PPP2R2B: variants seen among roughly 807,000 people sequenced by gnomAD.
PPP2R2B encodes the protein protein phosphatase 2 regulatory subunit Bbeta.
In PPP2R2B, 5 loss-of-function variants were observed where a neutral mutation model predicts 46.0. That is an observed-to-expected ratio of 0.11 (90% CI 0.06 to 0.23). The LOEUF is 0.23. Among genes scored for constraint, PPP2R2B ranks in the 10% least tolerant of loss-of-function variants. PPP2R2B has a pLI of 1.00. For synonymous variants in PPP2R2B, 215 were observed against 206.7 expected (o/e 1.04, Z -0.34); for missense variants, 367 against 575.0 (o/e 0.64, Z 3.70).
chr5:146,707,557 A>G (rs1173463316), intron 2 of PPP2R2B: 4 of 716,326 alleles, frequency 5.6e-6, no homozygotes, highest in Middle Eastern at 2.7e-4. Context: ...CCCGGGTGCC[A>G]GAGGTGGACA....
At chr5:146,645,169 A>G (rs1775495973) in intron 6 of PPP2R2B, among the ~76,000 whole-genome samples, 1 of 152,224 alleles carries the variant, frequency 6.6e-6, no homozygotes. Context: ...TTGTTTGATG[A>G]GTGTGATTTC....
At chr5:146,635,961 G>T (rs1774793163) in intron 7 of PPP2R2B, among the ~76,000 whole-genome samples, 1 of 152,130 alleles carries the variant, frequency 6.6e-6, no homozygotes, top group African/African-American at 2.4e-5. Context: ...TATCACTAAT[G>T]TCACTTATAA....
chr5:146,697,993 A>C lies in PPP2R2B; in HGVS notation c.320T>G (p.Leu107Arg). The change falls in exon 4 of 10, where the codon CTT (leucine) becomes CGT (arginine). Residue 107 changes from leucine (L) to arginine (R), a missense_variant. By Grantham distance (102) the Leu-to-Arg change is moderately radical (BLOSUM62 -2). This residue lies in a region of PPP2R2B where 361 missense variants were observed against 545.5 expected (regional missense o/e 0.66). Transcript: ENST00000394411. Reference sequence around the variant, plus strand: ...ATTCCACCTACCATTAGTAGACAGAAGAAAGTAAGCTGCATTCTGCTGGGG... The same window carrying C: ...ATTCCACCTACCATTAGTAGACAGACGAAAGTAAGCTGCATTCTGCTGGGG... ...WLPQQNAAYF[L>R]LSTNDKTVKL... The C allele has an allele frequency of 6.2e-7, 1 of 1,611,864 alleles. No individual in the cohort carries two copies. The highest frequency in any genetic ancestry group is 8.5e-7 in the Non-Finnish European group (1 of 1,179,188).
chr5:146,840,585 C>G (rs543372397), intron 2 of PPP2R2B, among the ~76,000 whole-genome samples: 1 of 152,112 alleles, frequency 6.6e-6, no homozygotes, highest in Non-Finnish European at 1.5e-5. Flanking sequence ...CCTAAAATAC[C>G]CAAAGGGGTT....
chr5:147,070,427 C>T (rs1350220422), intron 2 of PPP2R2B, among the ~76,000 whole-genome samples: 1 of 152,122 alleles, frequency 6.6e-6, no homozygotes, highest in African/African-American at 2.4e-5. Flanking sequence ...CAGGAACCAC[C>T]CCACAATGTC....
chr5:146,676,635 T>C (rs1393354350), intron 5 of PPP2R2B, among the ~76,000 whole-genome samples: 1 of 152,166 alleles, frequency 6.6e-6, no homozygotes, highest in Admixed American at 6.5e-5. Context: ...CCATTCACCT[T>C]TCCTCTAGAG....
chr5:146,927,688 G>A (rs1029317746), intron 1 of PPP2R2B, among the ~76,000 whole-genome samples: 3 of 151,288 alleles, frequency 2.0e-5, no homozygotes, highest in African/African-American at 4.9e-5. Context: ...AGAACTCCAG[G>A]CAGCCATTAT....
intron 2 of PPP2R2B, among the ~76,000 whole-genome samples, chr5:146,793,484 T>A (rs1756339116): frequency 6.6e-6 from 1 of 152,214 alleles, no homozygotes; most frequent in Non-Finnish European, 1.5e-5. Context: ...ACTAATTCAT[T>A]TAAGTCACTT....
At chr5:146,872,472 C>T (rs1042294455) in intron 2 of PPP2R2B, among the ~76,000 whole-genome samples, 1 of 152,172 alleles carries the variant, frequency 6.6e-6, no homozygotes, top group African/African-American at 2.4e-5. Flanking sequence ...TATGACACTA[C>T]CCCCTTTTAT....
At chr5:146,821,398 C>G (rs986763708) in intron 2 of PPP2R2B, among the ~76,000 whole-genome samples, 6 of 152,182 alleles carry the variant, frequency 3.9e-5, no homozygotes, top group African/African-American at 1.4e-4. Flanking sequence ...AGATCAAGCT[C>G]AAAGCATGAG....
At chr5:147,031,421 A>C (rs1407533036) in intron 1 of PPP2R2B, among the ~76,000 whole-genome samples, 1 of 149,652 alleles carries the variant, frequency 6.7e-6, no homozygotes, top group Non-Finnish European at 1.5e-5. Context: ...GTTTCTCTCT[A>C]TTTTTAAGAT....
At chr5:147,015,427 C>A (rs1213792531) in intron 1 of PPP2R2B, among the ~76,000 whole-genome samples, 1 of 151,602 alleles carries the variant, frequency 6.6e-6, no homozygotes, top group South Asian at 2.1e-4. Context: ...TTGCTTTGTG[C>A]GTGCTGTACA....
intron 1 of PPP2R2B, among the ~76,000 whole-genome samples, chr5:146,994,893 A>T (rs771801226): frequency 2.6e-5 from 4 of 152,210 alleles, no homozygotes; most frequent in Admixed American, 6.5e-5. Flanking sequence ...AAGACCAAAA[A>T]GTATATAGGC....
chr5:146,805,876 G>A (rs1417693588), intron 2 of PPP2R2B, among the ~76,000 whole-genome samples: 1 of 152,006 alleles, frequency 6.6e-6, no homozygotes, highest in Non-Finnish European at 1.5e-5. Flanking sequence ...CTTAATTATC[G>A]GCAGCTCGAT....
chr5:146,846,549 G>A (rs187624644), intron 2 of PPP2R2B, among the ~76,000 whole-genome samples: 2,900 of 151,376 alleles, frequency 0.019, 35 homozygotes, highest in Non-Finnish European at 0.028. Flanking sequence ...ATGGTGGCAC[G>A]TGCCTGCAAC....
At chr5:146,605,684 G>A (rs2151026236) in intron 7 of PPP2R2B, among the ~76,000 whole-genome samples, 1 of 152,330 alleles carries the variant, frequency 6.6e-6, no homozygotes, top group East Asian at 1.9e-4. Context: ...GGGCATGACT[G>A]CCCCTGGTTG....
chr5:146,670,461 T>G (rs143837171), intron 5 of PPP2R2B, among the ~76,000 whole-genome samples: 92 of 147,206 alleles, frequency 6.2e-4, no homozygotes, highest in Non-Finnish European at 9.4e-4. Flanking sequence ...TTTTCTTATC[T>G]GTTTTATGTG....
chr5:146,606,516 A>G (rs1772284039), intron 7 of PPP2R2B, among the ~76,000 whole-genome samples: 1 of 152,228 alleles, frequency 6.6e-6, no homozygotes, highest in African/African-American at 2.4e-5. Flanking sequence ...CCTATGTTCT[A>G]GGGCGGTTGT....
Position 146,587,146 on chromosome 5 carries a change from G to A in PPP2R2B, c.*2801C>T, listed in dbSNP as rs1334076464. 6.6e-6 allele frequency: 1 copy of A among 152,172 alleles called. No homozygotes were observed. Among genetic ancestry groups the A allele is most frequent in the Non-Finnish European group, 1.5e-5 (1 of 68,020 alleles). The allele number at this position is 152,172 out of a possible 1,614,324, so 9.4% of individuals were successfully genotyped here. A position where few individuals can be genotyped will look rare whatever the true frequency, so the allele number is the denominator to read the frequency against. On this transcript the variant is annotated 3_prime_UTR_variant, in exon 10 of 10. Coordinates refer to ENST00000394411, the MANE Select transcript of PPP2R2B (RefSeq NM_181675.4). Reference sequence around the variant, plus strand: ...CTTCAAGTAGTTTTTAGTGTCAGCAGGAAAACAGACTGACTTCTATGTGCC... The same window carrying A: ...CTTCAAGTAGTTTTTAGTGTCAGCAAGAAAACAGACTGACTTCTATGTGCC...
Sources: gnomAD v4.1 joint callset for allele counts (sites outside exome capture counted in the v4.1 genomes callset) on GRCh38, gnomAD v4.1.1 for gene constraint, gnomAD v4.1.1 regional missense constraint, MANE v1.5 for transcripts, NCBI Gene and HGNC (gene_info 2026-07-23, HGNC 2026-07-21) for gene names.